USP9X: variants seen among roughly 807,000 people sequenced by gnomAD.
USP9X encodes ubiquitin carboxyl-terminal hydrolase 9X.
USP9X carries 7 observed loss-of-function variants against 190.3 expected under a neutral mutation model. The ratio of observed to expected loss-of-function variants is 0.04; its 90% CI spans 0.02 to 0.07. The LOEUF is 0.07. USP9X is among the 10% of genes least tolerant of loss of function. The probability of loss-of-function intolerance (pLI) is 1.00; values close to 1 mark genes in which losing one functional copy is unlikely to be tolerated. For synonymous variants in USP9X, 645 were observed against 659.5 expected (o/e 0.98, Z 0.34); for missense variants, 1,010 against 1,916.9 (o/e 0.53, Z 8.83).
Position 41,197,181 on chromosome X carries a change from A to G in USP9X, c.4234-183A>G, listed in dbSNP as rs17322441. On this transcript the variant is annotated intron_variant, in intron 28 of 44. Transcript: ENST00000378308. The stretch of plus-strand genomic sequence containing the variant: ...AAATTAGCATTTCTTCTAGTAGTTC[A>G]TAAAGCCAATTTCTAGAAAGTTCTG... Among the ~76,000 whole-genome samples, 14,864 of 111,390 alleles carry G rather than the reference A, an allele frequency of 0.13. 895 individuals carry two copies. Among genetic ancestry groups the G allele is most frequent in the East Asian group, 0.22 (765 of 3,544 alleles).
At chrX:41,181,567 G>T (rs759465858) in intron 21 of USP9X, among the ~76,000 whole-genome samples, 1 of 103,958 alleles carries the variant, frequency 9.6e-6, no homozygotes, top group African/African-American at 3.5e-5. Flanking sequence ...TCCTGCCTCA[G>T]CCTCCCGAGT....
At chrX:41,204,756 T>C (rs972755929) in intron 31 of USP9X, among the ~76,000 whole-genome samples, 10 of 112,158 alleles carry the variant, frequency 8.9e-5, no homozygotes, top group Admixed American at 1.9e-4. Context: ...GTTTACAACC[T>C]AGGAGCAATT....
chrX:41,087,613 C>G (rs774188541), intron 1 of USP9X, among the ~76,000 whole-genome samples: 19 of 112,493 alleles, frequency 1.7e-4, no homozygotes, highest in Non-Finnish European at 3.0e-4. Flanking sequence ...CTTTATCGTT[C>G]CAGCTTTTGG....
At chrX:41,086,616 C>A (rs541377433) in intron 1 of USP9X, among the ~76,000 whole-genome samples, 39 of 112,246 alleles carry the variant, frequency 3.5e-4, no homozygotes, top group Admixed American at 9.3e-5. Flanking sequence ...TCAGGCCTGA[C>A]GACTTGTCCG....
rs1252240620 is a variant in USP9X, at chrX:41,234,789, A to G, written c.*2265A>G. 1 of 111,412 alleles carries G rather than the reference A, an allele frequency of 9.0e-6. No homozygotes were observed. The highest frequency in any genetic ancestry group is 1.9e-5 in the Non-Finnish European group (1 of 53,058). The allele number at this position is 111,412 out of a possible 1,213,427, so 9.2% of individuals were successfully genotyped here. On this transcript the variant is annotated 3_prime_UTR_variant, in exon 45 of 45. Coordinates refer to ENST00000378308, the MANE Select transcript of USP9X (RefSeq NM_001039591.3). ...TGGCCAGGCTGGTCTTGAACTCCTG[A>G]CCTCAGGTGATCTGGCCGCCTCGGC...
At chrX:41,232,345 A>G (rs1273575193) in intron 44 of USP9X, 42 bp from the exon 45 acceptor site, 13 of 1,179,536 alleles carry the variant, frequency 1.1e-5, no homozygotes, top group Non-Finnish European at 1.4e-5. Context: ...TTGTTTTACT[A>G]TGTGAAAAGT....
Position 41,165,966 on chromosome X carries a change from C to T in USP9X, c.2080C>T (p.Arg694Cys). ...LAENAVYLCD[R>C]EACFKWYSKL... is the part of the protein sequence containing the mutation. Reference sequence around the variant, plus strand: ...TGAGAATGCAGTTTACCTTTGTGATCGTGAAGCCTGTTTTAAGTGGTATTC... The same window carrying T: ...TGAGAATGCAGTTTACCTTTGTGATTGTGAAGCCTGTTTTAAGTGGTATTC... The change falls in exon 16 of 45, where the codon CGT becomes TGT. Residue 694 changes from arginine (R) to cysteine (C), a missense_variant. Physicochemically the swap from Arg to Cys is radical, Grantham distance 180. This residue lies in a region of USP9X where 104 missense variants were observed against 239.8 expected (regional missense o/e 0.43). Coordinates refer to ENST00000378308, the MANE Select transcript of USP9X (RefSeq NM_001039591.3). The T allele has an allele frequency of 8.3e-7, 1 of 1,211,316 alleles. No individual in the cohort carries two copies. Among genetic ancestry groups the T allele is most frequent in the Non-Finnish European group, 1.1e-6 (1 of 895,328 alleles).
At chrX:41,098,866 G>A (rs1478693983) in intron 1 of USP9X, among the ~76,000 whole-genome samples, 1 of 108,312 alleles carries the variant, frequency 9.2e-6, no homozygotes. Flanking sequence ...TTTCATTACT[G>A]TATAGTATTG....
chrX:41,151,793 C>T (rs1208797230), intron 13 of USP9X, among the ~76,000 whole-genome samples: 2 of 112,369 alleles, frequency 1.8e-5, no homozygotes, highest in African/African-American at 6.5e-5. Context: ...CCAGCCTGGC[C>T]AACATGGCGA....
At position 41,213,585 on chromosome X, in the gene USP9X, G is replaced by A. The variant is rs553670234; in HGVS notation, c.5190-983G>A. On this transcript the variant is annotated intron_variant, in intron 33 of 44. Coordinates refer to ENST00000378308, the MANE Select transcript of USP9X (RefSeq NM_001039591.3). ...TAAGCAAAGAGCGTCCGTACTTGCT[G>A]CAGAGACCATATGCTTCACAAAGCC... Among the ~76,000 whole-genome samples, 8 of 112,003 alleles carry A rather than the reference G, an allele frequency of 7.1e-5. No individual in the cohort carries two copies. In the East Asian group the frequency reaches 1.7e-3, roughly 24 times the overall value.
chrX:41,197,300 C>T (rs2062991859), intron 28 of USP9X, 64 bp from the exon 29 acceptor site: 1 of 847,451 alleles, frequency 1.2e-6, no homozygotes, highest in Non-Finnish European at 1.7e-6. Flanking sequence ...CCCTCTTTAC[C>T]TCCCTTTCAT....
intron 15 of USP9X, among the ~76,000 whole-genome samples, chrX:41,164,062 G>A (rs185562795): frequency 5.4e-5 from 6 of 110,627 alleles, no homozygotes; most frequent in Admixed American, 4.8e-4. Flanking sequence ...TAGAAGAGAC[G>A]GGGTTTCACC....
intron 12 of USP9X, among the ~76,000 whole-genome samples, chrX:41,149,834 G>T (rs778453232): frequency 3.6e-5 from 4 of 110,045 alleles, no homozygotes; most frequent in Non-Finnish European, 5.7e-5. Context: ...CTCCCCAGTA[G>T]CTGGGATTAC....
At chrX:41,140,624 G>A (rs757110811) in intron 6 of USP9X, 32 bp from the exon 7 acceptor site, 1 of 1,081,673 alleles carries the variant, frequency 9.2e-7, no homozygotes, top group African/African-American at 1.8e-5. Flanking sequence ...TTTAAAGTAG[G>A]AAGTTAACTT....
At chrX:41,137,106 G>A (rs1355616185) in intron 6 of USP9X, 84 bp downstream of exon 6, 1 of 901,936 alleles carries the variant, frequency 1.1e-6, no homozygotes, top group Admixed American at 3.0e-5. Context: ...TATTTAAAGT[G>A]TGACAATGAA....
At chrX:41,138,847 A>C (rs1381464718) in intron 6 of USP9X, among the ~76,000 whole-genome samples, 1 of 113,202 alleles carries the variant, frequency 8.8e-6, no homozygotes, top group Non-Finnish European at 1.9e-5. Flanking sequence ...TGTGGAAAGC[A>C]TATGGTGAAT....
chrX:41,228,738 C>T (rs1205851193), intron 41 of USP9X, among the ~76,000 whole-genome samples: 1 of 112,181 alleles, frequency 8.9e-6, no homozygotes, highest in Non-Finnish European at 1.9e-5. Flanking sequence ...TTAGTAAGAG[C>T]ACAGACTCTG....
At position 41,136,916 on chromosome X, in the gene USP9X, A is replaced by G. The variant is rs1455047684; in HGVS notation, c.548A>G (p.Lys183Arg). The change falls in exon 6 of 45, where the codon AAA (lysine) becomes AGA (arginine). Residue 183 changes from lysine (K) to arginine (R), a missense_variant. Physicochemically the swap from Lys to Arg is conservative, Grantham distance 26 (BLOSUM62 2). This residue lies in a region of USP9X where 176 missense variants were observed against 247.5 expected (regional missense o/e 0.71). Transcript: ENST00000378308. The part of the protein sequence containing the change: ...LLAMALNPHC[K>R]FHIYNGTRPC... ...GCCATGGCCTTAAATCCTCATTGCA[A>G]ATTCCATATCTACAATGGTACACGT... 1 of 1,210,995 alleles carries G rather than the reference A, an allele frequency of 8.3e-7. No homozygotes were observed. The highest frequency in any genetic ancestry group is 2.2e-5 in the Admixed American group (1 of 46,024).
chrX:41,147,815 T>C (rs902493128), intron 11 of USP9X, among the ~76,000 whole-genome samples: 4 of 112,287 alleles, frequency 3.6e-5, no homozygotes, highest in Non-Finnish European at 7.5e-5. Context: ...TAATAAACAC[T>C]GATCAGCAAC....
Sources: gnomAD v4.1 joint callset for allele counts (sites outside exome capture counted in the v4.1 genomes callset) on GRCh38, gnomAD v4.1.1 for gene constraint, gnomAD v4.1.1 regional missense constraint, MANE v1.5 for transcripts, NCBI Gene and HGNC (gene_info 2026-07-23, HGNC 2026-07-21) for gene names.